Variants in GRAMD1B observed in about 807,000 individuals in gnomAD.
GRAMD1B encodes the protein GRAM domain containing 1B, also known as protein Aster-B.
GRAMD1B carries 37 observed loss-of-function variants against 99.7 expected under a neutral mutation model. The ratio of observed to expected loss-of-function variants is 0.37; its 90% confidence interval spans 0.29 to 0.49. The LOEUF (loss-of-function observed/expected upper bound fraction) is 0.49, where lower values mean the gene tolerates loss of function less well. GRAMD1B is among the 20% of genes least tolerant of loss of function. GRAMD1B has a pLI of 0.98. For missense variants in GRAMD1B, 888 were observed against 1,009.2 expected (o/e 0.88, Z 1.63); for synonymous variants, 427 against 387.6 (o/e 1.10, Z -1.19).
intron 1 of GRAMD1B, among the ~76,000 whole-genome samples, chr11:123,441,903 A>G (rs953398638): frequency 2.6e-5 from 4 of 152,210 alleles, no homozygotes; most frequent in East Asian, 3.8e-4. Flanking sequence ...TTTCTCATTC[A>G]GATTTTCCTT....
intron 2 of GRAMD1B, among the ~76,000 whole-genome samples, chr11:123,506,231 C>G (rs549393400): frequency 7.2e-5 from 11 of 152,128 alleles, no homozygotes; most frequent in Non-Finnish European, 1.3e-4. Context: ...CCTTGCAGCC[C>G]CACCTCCCAA....
intron 2 of GRAMD1B, among the ~76,000 whole-genome samples, chr11:123,524,621 T>G (rs138045440): frequency 1.1e-4 from 16 of 152,322 alleles, no homozygotes; most frequent in African/African-American, 3.4e-4. Flanking sequence ...ATTACAGGCA[T>G]GAGCCACTGT....
chr11:123,576,737 G>T (rs1426348812), intron 2 of GRAMD1B, among the ~76,000 whole-genome samples: 1 of 152,156 alleles, frequency 6.6e-6, no homozygotes, highest in Non-Finnish European at 1.5e-5. Context: ...ATATGGTGTG[G>T]GTGAGTTACA....
intron 8 of GRAMD1B, 36 bp from the exon 9 acceptor site, chr11:123,603,390 G>A: frequency 2.3e-6 from 3 of 1,314,336 alleles, no homozygotes; most frequent in South Asian, 1.2e-5. Flanking sequence ...GGGACCTGAG[G>A]GAGCAAGGCT....
intron 3 of GRAMD1B, chr11:123,578,312 C>G (rs1408563778): frequency 4.9e-6 from 5 of 1,021,160 alleles, no homozygotes; most frequent in Non-Finnish European, 7.4e-6. Context: ...GGCATGGGAG[C>G]TGGCTTCCCA....
intron 1 of GRAMD1B, among the ~76,000 whole-genome samples, chr11:123,419,578 C>T (rs553579244): frequency 6.6e-6 from 1 of 152,246 alleles, no homozygotes; most frequent in East Asian, 1.9e-4. Flanking sequence ...CTGCAGTAAA[C>T]TATGATTGTG....
chr11:123,417,019 C>T (rs568777921), intron 1 of GRAMD1B, among the ~76,000 whole-genome samples: 3 of 152,226 alleles, frequency 2.0e-5, no homozygotes, highest in East Asian at 1.9e-4. Context: ...TTATGGGAGA[C>T]GAAGTAACTA....
Position 123,598,102 on chromosome 11 carries a change from C to T in GRAMD1B, c.969+2065C>T. ...AGGAGACAGCATCTTTAATCTGTGT[C>T]ACATTAGCAAAGTGAGCAGTGTTTG... On this transcript the variant is annotated intron_variant, in intron 7 of 19. Coordinates refer to ENST00000635736, the MANE Select transcript of GRAMD1B (RefSeq NM_001387025.1). The T allele has an allele frequency of 2.5e-6, 4 of 1,587,824 alleles. No individual in the cohort carries two copies. In the South Asian group the frequency reaches 4.4e-5, roughly 18 times the overall value.
At chr11:123,598,591 T>G in intron 7 of GRAMD1B, 1 of 1,538,488 alleles carries the variant, frequency 6.5e-7, no homozygotes, top group African/African-American at 1.4e-5. Flanking sequence ...TTTCCTTTGG[T>G]GCTGAATAGT....
intron 2 of GRAMD1B, among the ~76,000 whole-genome samples, chr11:123,534,989 G>T (rs1437868570): frequency 6.6e-6 from 1 of 152,190 alleles, no homozygotes; most frequent in African/African-American, 2.4e-5. Flanking sequence ...GGGATATGTG[G>T]CCATGCAAGG....
chr11:123,588,239 G>A (rs900494222), intron 4 of GRAMD1B, among the ~76,000 whole-genome samples: 2 of 151,870 alleles, frequency 1.3e-5, no homozygotes, highest in East Asian at 1.9e-4. Context: ...CCTCCTTCTC[G>A]CCATCCCTGG....
chr11:123,418,092 G>A (rs1237316417), intron 1 of GRAMD1B, among the ~76,000 whole-genome samples: 1 of 152,112 alleles, frequency 6.6e-6, no homozygotes, highest in Non-Finnish European at 1.5e-5. Context: ...GTGGAAGCTG[G>A]CTTTCTTTCT....
Position 123,460,697 on chromosome 11 carries a change from T to C in GRAMD1B, c.375-20119T>C, listed in dbSNP as rs544129541. Among the ~76,000 whole-genome samples, 15 of 152,166 alleles carry C rather than the reference T, an allele frequency of 9.9e-5. 1 individual carries two copies. The highest frequency in any genetic ancestry group is 7.2e-4 in the Admixed American group (11 of 15,284). On this transcript the variant is annotated intron_variant, in intron 1 of 19. Coordinates refer to ENST00000635736, the MANE Select transcript of GRAMD1B (RefSeq NM_001387025.1). Reference sequence around the variant, plus strand: ...TGGATGGTGGTTGGGTCAGCAGGATTTGGGGGGCGGACAGGAGTGGGGCAG... The same window carrying C: ...TGGATGGTGGTTGGGTCAGCAGGATCTGGGGGGCGGACAGGAGTGGGGCAG...
chr11:123,498,217 G>A (rs1416289200), intron 2 of GRAMD1B, among the ~76,000 whole-genome samples: 3 of 152,094 alleles, frequency 2.0e-5, no homozygotes, highest in Admixed American at 2.0e-4. Context: ...AGCCTGCTTG[G>A]CGCTCTTCCT....
At chr11:123,570,222 A>G (rs887322784) in intron 2 of GRAMD1B, among the ~76,000 whole-genome samples, 2 of 152,222 alleles carry the variant, frequency 1.3e-5, no homozygotes, top group South Asian at 2.1e-4. Context: ...GAGGCCATCC[A>G]CTGGAAATTT....
chr11:123,468,531 C>T (rs969360652), intron 1 of GRAMD1B, among the ~76,000 whole-genome samples: 2 of 152,048 alleles, frequency 1.3e-5, no homozygotes, highest in Admixed American at 6.6e-5. Context: ...CGGTAGCTCA[C>T]GCCTGTAATC....
intron 2 of GRAMD1B, among the ~76,000 whole-genome samples, chr11:123,539,128 G>A (rs2135671889): frequency 6.6e-6 from 1 of 152,212 alleles, no homozygotes; most frequent in South Asian, 2.1e-4. Flanking sequence ...GGCAGGCCAA[G>A]GCAGGAGGAT....
At chr11:123,362,568 A>G (rs961568585) in intron 1 of GRAMD1B, among the ~76,000 whole-genome samples, 1 of 152,190 alleles carries the variant, frequency 6.6e-6, no homozygotes, top group Admixed American at 6.5e-5. Context: ...TTATACAAAA[A>G]CACAAGACCA....
At chr11:123,555,229 A>G (rs184607770) in intron 2 of GRAMD1B, among the ~76,000 whole-genome samples, 8 of 152,326 alleles carry the variant, frequency 5.3e-5, no homozygotes, top group African/African-American at 1.9e-4. Context: ...CCTGAGTAGG[A>G]ACAACGGAAC....
Sources: allele counts gnomAD v4.1 joint callset (sites outside exome capture counted in the v4.1 genomes callset), GRCh38; gene constraint gnomAD v4.1.1; transcripts MANE v1.5; gene names NCBI Gene and HGNC (gene_info 2026-07-23, HGNC 2026-07-21).